PTH2R: variants seen among roughly 807,000 people sequenced by gnomAD.
PTH2R encodes parathyroid hormone 2 receptor.
Under a neutral mutation model 60.3 loss-of-function variants are expected in PTH2R, and 59 were observed. That is an observed-to-expected ratio of 0.98 (90% CI 0.79 to 1.22). The LOEUF (loss-of-function observed/expected upper bound fraction) is 1.22, where lower values mean the gene tolerates loss of function less well. Ranked by LOEUF, PTH2R falls within the 50% of genes most tolerant of loss-of-function variation. The pLI, the probability that PTH2R is intolerant of heterozygous loss-of-function variation, is 0.00. For synonymous variants in PTH2R, 256 were observed against 243.8 expected (o/e 1.05, Z -0.47); for missense variants, 749 against 682.6 (o/e 1.10, Z -1.08).
intron 1 of PTH2R, among the ~76,000 whole-genome samples, chr2:208,407,823 T>C (rs1440820734): frequency 1.3e-5 from 2 of 152,066 alleles, no homozygotes; most frequent in African/African-American, 4.8e-5. Context: ...ATGCGTGTAG[T>C]GGTGGATGTT....
chr2:208,394,630 C>A (rs1701171668), intron 1 of PTH2R, among the ~76,000 whole-genome samples: 1 of 152,114 alleles, frequency 6.6e-6, no homozygotes, highest in Non-Finnish European at 1.5e-5. Context: ...ACTTGTGTGA[C>A]CTGTGTGCCT....
At chr2:208,432,994 C>T (rs1702003680) in intron 2 of PTH2R, among the ~76,000 whole-genome samples, 1 of 152,126 alleles carries the variant, frequency 6.6e-6, no homozygotes, top group Non-Finnish European at 1.5e-5. Context: ...AGTACTTTGC[C>T]AACTATCTAG....
intron 1 of PTH2R, among the ~76,000 whole-genome samples, chr2:208,365,106 A>G (rs1482188291): frequency 6.6e-6 from 1 of 151,120 alleles, no homozygotes; most frequent in Non-Finnish European, 1.5e-5. Context: ...AGATCATGCC[A>G]TCTACAAACA....
chr2:208,372,135 C>G (rs1181617455), intron 1 of PTH2R, among the ~76,000 whole-genome samples: 2 of 152,144 alleles, frequency 1.3e-5, no homozygotes, highest in African/African-American at 4.8e-5. Flanking sequence ...GTTGGCCAGA[C>G]TAGTCTCGAA....
intron 1 of PTH2R, among the ~76,000 whole-genome samples, chr2:208,398,283 TAG>T (rs1486002286): frequency 6.6e-6 from 1 of 152,234 alleles, no homozygotes; most frequent in Non-Finnish European, 1.5e-5. Context: ...AACATATAAA[TAG>T]AGTCACATTT....
chr2:208,490,278 C>A (rs993538035), intron 11 of PTH2R, among the ~76,000 whole-genome samples: 8 of 152,012 alleles, frequency 5.3e-5, no homozygotes, highest in African/African-American at 9.7e-5. Flanking sequence ...CCATACAATA[C>A]TTTATGTTTG....
At chr2:208,478,398 C>G (rs1233434554) in intron 9 of PTH2R, among the ~76,000 whole-genome samples, 5 of 151,300 alleles carry the variant, frequency 3.3e-5, no homozygotes, top group Admixed American at 3.3e-4. Flanking sequence ...CTTCTAGAGG[C>G]CACTGGCATT....
At chr2:208,437,390 T>A (rs1320178115) in intron 2 of PTH2R, 147 bp from the exon 3 acceptor site, 5 of 581,200 alleles carry the variant, frequency 8.6e-6, no homozygotes, top group Non-Finnish European at 1.5e-5. Context: ...TTGCATCATA[T>A]CTATTCTATC....
intron 7 of PTH2R, among the ~76,000 whole-genome samples, chr2:208,450,211 A>G (rs183459062): frequency 6.6e-6 from 1 of 152,242 alleles, no homozygotes; most frequent in Admixed American, 6.5e-5. Flanking sequence ...CTATTAATGC[A>G]TGAAAATGCT....
At chr2:208,420,072 G>A (rs1020449134) in intron 1 of PTH2R, among the ~76,000 whole-genome samples, 43 of 152,006 alleles carry the variant, frequency 2.8e-4, no homozygotes, top group Admixed American at 1.4e-3. Context: ...ACTTATAGGT[G>A]GGAATTGAAC....
chr2:208,482,141 A>G (rs776951720), intron 10 of PTH2R, among the ~76,000 whole-genome samples: 2 of 152,214 alleles, frequency 1.3e-5, no homozygotes, highest in Admixed American at 6.5e-5. Context: ...GAAAAACATC[A>G]TAGTCAGCAT....
At chr2:208,367,501 A>C (rs1488723684) in intron 1 of PTH2R, among the ~76,000 whole-genome samples, 4 of 146,990 alleles carry the variant, frequency 2.7e-5, no homozygotes, top group African/African-American at 1.0e-4. Flanking sequence ...GCTCACTGCA[A>C]CCTCCGCCTC....
intron 1 of PTH2R, among the ~76,000 whole-genome samples, chr2:208,382,946 G>A (rs1700942685): frequency 6.6e-6 from 1 of 152,242 alleles, no homozygotes; most frequent in South Asian, 2.1e-4. Context: ...TCTTCCCACA[G>A]CTGTCCCCTT....
chr2:208,387,242 G>A (rs1195163611), intron 1 of PTH2R, among the ~76,000 whole-genome samples: 1 of 152,092 alleles, frequency 6.6e-6, no homozygotes, highest in African/African-American at 2.4e-5. Context: ...GAGATAGAAA[G>A]AACATATATT....
At chr2:208,424,433 A>G (rs1027389960) in intron 1 of PTH2R, among the ~76,000 whole-genome samples, 1 of 152,140 alleles carries the variant, frequency 6.6e-6, no homozygotes, top group African/African-American at 2.4e-5. Context: ...ATTTCTTGCG[A>G]TAGTTCCCAT....
At chr2:208,435,351 G>C (rs2105862933) in intron 2 of PTH2R, among the ~76,000 whole-genome samples, 1 of 152,290 alleles carries the variant, frequency 6.6e-6, no homozygotes, top group Middle Eastern at 3.4e-3. Flanking sequence ...TGTGTATGCT[G>C]TGTCACATGG....
At chr2:208,407,865 G>T (rs1192883424) in intron 1 of PTH2R, among the ~76,000 whole-genome samples, 1 of 152,118 alleles carries the variant, frequency 6.6e-6, no homozygotes, top group African/African-American at 2.4e-5. Context: ...AATTTAAACC[G>T]AATCAAGGTA....
rs138040561 is a variant in PTH2R, at chr2:208,394,181, T to C, written c.-259+33944T>C. On this transcript the variant is annotated intron_variant, in intron 1 of 12. Coordinates refer to the PTH2R transcript ENST00000617735. ...TTTTGGATAATACTAAAATCAAGGCTCCCCACTAGCAGGCCAGGTTTGCCT... is the reference window on the plus strand; with the variant it reads ...TTTTGGATAATACTAAAATCAAGGCCCCCCACTAGCAGGCCAGGTTTGCCT... Among the ~76,000 whole-genome samples, 9 of 152,190 alleles carry C rather than the reference T, an allele frequency of 5.9e-5. No homozygotes were observed. The East Asian group carries it at 1.7e-3, about 29-fold the overall frequency.
At chr2:208,360,255 CTTG>C (rs1559196860) in intron 1 of PTH2R, 1 of 433,054 alleles carries the variant, frequency 2.3e-6, no homozygotes, top group African/African-American at 2.0e-5. Context: ...GAGCGCCCCA[CTTG>C]TTCTCCCGCC....
Sources: gnomAD v4.1 joint callset for allele counts (sites outside exome capture counted in the v4.1 genomes callset) on GRCh38, gnomAD v4.1.1 for gene constraint, MANE v1.5 for transcripts, NCBI Gene and HGNC (gene_info 2026-07-23, HGNC 2026-07-21) for gene names.